DMD: variants seen among roughly 807,000 people sequenced by gnomAD.
DMD encodes mutant dystrophin.
DMD carries 63 observed loss-of-function variants against 330.1 expected under a neutral mutation model. The observed-to-expected ratio is 0.19, with a 90% CI of 0.16 to 0.24. The LOEUF is 0.24. Among genes scored for constraint, DMD ranks in the 10% least tolerant of loss-of-function variants. DMD has a pLI of 1.00. For missense variants in DMD, 3,344 were observed against 2,684.1 expected, an observed-to-expected ratio of 1.25 and a Z score of -5.43; for synonymous variants, 1,223 against 959.8, an observed-to-expected ratio of 1.27 and a Z score of -5.07.
At chrX:32,781,834 A>G (rs2074794641) in intron 7 of DMD, among the ~76,000 whole-genome samples, 1 of 111,341 alleles carries the variant, frequency 9.0e-6, no homozygotes, top group South Asian at 3.7e-4. Context: ...AGATTTTAAG[A>G]TACAGATAAA....
intron 1 of DMD, among the ~76,000 whole-genome samples, chrX:33,106,054 CCACA>C (rs1557263796): frequency 1.2e-4 from 11 of 89,440 alleles, no homozygotes; most frequent in Admixed American, 3.5e-4. Flanking sequence ...GATACACACA[CCACA>C]CACACACACA....
intron 9 of DMD, among the ~76,000 whole-genome samples, chrX:32,667,565 T>TATAATCATCTA (rs2061380399): frequency 9.0e-6 from 1 of 111,438 alleles, no homozygotes; most frequent in African/African-American, 3.3e-5. Flanking sequence ...GGAGGAAATG[T>TATAATCATCTA]ATTAGGACAT....
At chrX:32,747,157 A>G (rs1017405864) in intron 7 of DMD, among the ~76,000 whole-genome samples, 1 of 112,545 alleles carries the variant, frequency 8.9e-6, no homozygotes, top group Non-Finnish European at 1.9e-5. Flanking sequence ...CAAGGCCTCC[A>G]GAAAATTCTG....
chrX:32,819,889 C>G (rs887701741), intron 5 of DMD, among the ~76,000 whole-genome samples: 1 of 107,253 alleles, frequency 9.3e-6, no homozygotes, highest in African/African-American at 3.4e-5. Context: ...TTTAGATTCA[C>G]TGGATTATGA....
At chrX:32,401,475 C>T (rs2098085911) in intron 30 of DMD, among the ~76,000 whole-genome samples, 1 of 111,511 alleles carries the variant, frequency 9.0e-6, no homozygotes, top group Admixed American at 9.6e-5. Context: ...GAAAGACAAA[C>T]ATCCCATGTT....
intron 74 of DMD, among the ~76,000 whole-genome samples, chrX:31,159,117 T>C (rs1400765759): frequency 1.8e-5 from 2 of 111,986 alleles, no homozygotes; most frequent in Non-Finnish European, 3.8e-5. Flanking sequence ...TTATGACACA[T>C]TTATGTACCC....
At chrX:32,052,763 A>T (rs1051940738) in intron 44 of DMD, among the ~76,000 whole-genome samples, 1 of 111,149 alleles carries the variant, frequency 9.0e-6, no homozygotes, top group Admixed American at 9.6e-5. Context: ...ACTGAAGGAA[A>T]TCTAAAGCTG....
intron 44 of DMD, among the ~76,000 whole-genome samples, chrX:32,002,353 CA>C (rs2095632845): frequency 9.0e-6 from 1 of 111,643 alleles, no homozygotes. Flanking sequence ...AAACCGTTAA[CA>C]GGGCAGTGAA....
chrX:32,542,956 T>A (rs917137005), intron 17 of DMD, among the ~76,000 whole-genome samples: 1 of 111,952 alleles, frequency 8.9e-6, no homozygotes, highest in Non-Finnish European at 1.9e-5. Flanking sequence ...TAGGATTACC[T>A]TAGTCATATA....
chrX:33,190,917 T>TATATATAATATTATATATATATATA (rs2050544370), intron 1 of DMD, among the ~76,000 whole-genome samples: 1 of 1,033 alleles, frequency 9.7e-4, no homozygotes. Flanking sequence ...TATAATATTA[T>TATATATAATATTATATATATATATA]ATATATAATA....
At chrX:31,453,404 C>A (rs956168007) in intron 59 of DMD, among the ~76,000 whole-genome samples, 1 of 110,676 alleles carries the variant, frequency 9.0e-6, no homozygotes, top group South Asian at 3.8e-4. Flanking sequence ...TCAGGTGATC[C>A]GCCTGCCTTG....
intron 45 of DMD, 55 bp from the exon 46 acceptor site, chrX:31,932,282 A>G (rs897297790): frequency 1.0e-6 from 1 of 968,013 alleles, no homozygotes; most frequent in Non-Finnish European, 1.5e-6. Flanking sequence ...TTCTCAAACT[A>G]TTTGTTAATG....
intron 53 of DMD, among the ~76,000 whole-genome samples, chrX:31,659,640 A>G (rs1299889): frequency 0.15 from 7,658 of 50,661 alleles, 371 homozygotes; most frequent in East Asian, 0.25. Flanking sequence ...TCCATCTCGG[A>G]AAAAAAAAAA....
chrX:32,589,689 A>G (rs188745523), intron 13 of DMD, among the ~76,000 whole-genome samples: 1 of 111,620 alleles, frequency 9.0e-6, no homozygotes, highest in East Asian at 2.8e-4. Flanking sequence ...AAAAGCAGCA[A>G]CATTTCGAAC....
At chrX:33,062,745 G>A (rs570069623) in intron 1 of DMD, among the ~76,000 whole-genome samples, 1 of 112,857 alleles carries the variant, frequency 8.9e-6, no homozygotes, top group Admixed American at 9.4e-5. Flanking sequence ...CCAAAGTGCT[G>A]GGATAACAGG....
At chrX:32,456,039 T>C (rs2098356518) in intron 25 of DMD, among the ~76,000 whole-genome samples, 2 of 111,047 alleles carry the variant, frequency 1.8e-5, no homozygotes, top group Admixed American at 9.6e-5. Flanking sequence ...ATTCAAAAGA[T>C]GGTATTCTTC....
intron 76 of DMD, among the ~76,000 whole-genome samples, chrX:31,140,426 C>T (rs772145052): frequency 8.9e-6 from 1 of 112,275 alleles, no homozygotes; most frequent in Non-Finnish European, 1.9e-5. Flanking sequence ...TAACCAGTTT[C>T]CGACTTGATG....
rs398123973 is a variant in DMD at position 32,365,049 on chromosome X, G to A, written c.4996C>T (p.Arg1666Ter). The stretch of plus-strand genomic sequence containing the variant: ...AAAAGATTTAACCACTCTTCTGCTC[G>A]GGAGGTGACAGCTATCCAGTTACTA... ...LNSNWIAVTS[R>*]AEEWLNLLLE... Residue 1666 changes from arginine (R) to a stop codon, truncating the protein, a stop_gained, in exon 35 of 79, where the codon CGA (arginine) becomes TGA (stop). Transcript: ENST00000357033. LOFTEE classifies it high-confidence loss of function. 1 of 1,210,502 alleles carries A rather than the reference G, an allele frequency of 8.3e-7. No homozygotes were observed.
At chrX:32,839,049 A>G (rs893483176) in intron 4 of DMD, among the ~76,000 whole-genome samples, 57 of 111,948 alleles carry the variant, frequency 5.1e-4, no homozygotes, top group Admixed American at 3.8e-4. Context: ...AACCTGACTT[A>G]TGACCCATTT....
Sources: gnomAD v4.1 joint callset for allele counts (sites outside exome capture counted in the v4.1 genomes callset) on GRCh38, gnomAD v4.1.1 for gene constraint, MANE v1.5 for transcripts, NCBI Gene and HGNC (gene_info 2026-07-23, HGNC 2026-07-21) for gene names.